MGMT: variants seen among roughly 807,000 people sequenced by gnomAD.
MGMT encodes methylated-DNA--protein-cysteine methyltransferase.
MGMT carries 14 observed loss-of-function variants against 15.9 expected under a neutral mutation model. The ratio of observed to expected loss-of-function variants is 0.88; its 90% CI spans 0.58 to 1.37. MGMT has a LOEUF of 1.37. MGMT is among the 40% of genes most tolerant of loss of function. The probability of loss-of-function intolerance (pLI) is 0.00; values close to 1 mark genes in which losing one functional copy is unlikely to be tolerated. For synonymous variants in MGMT, 130 were observed against 118.2 expected (o/e 1.10, Z -0.65); for missense variants, 282 against 268.1 (o/e 1.05, Z -0.36).
At chr10:129,555,595 G>A (rs979330421) in intron 2 of MGMT, among the ~76,000 whole-genome samples, 5 of 152,052 alleles carry the variant, frequency 3.3e-5, no homozygotes, top group African/African-American at 1.2e-4. Context: ...GGCGTCTGCA[G>A]TGTCAGCTAC....
rs2133185157 is a variant in MGMT, at chr10:129,759,215, A to G, written c.288A>G (p.Arg96=). Residue 96 remains arginine, a synonymous_variant, in exon 4 of 5, where the codon AGA becomes AGG. Coordinates refer to ENST00000651593, the MANE Select transcript of MGMT (RefSeq NM_002412.5). ...HPVFQQESFT[R]QVLWKLLKVV... ...TCTTCCTTTCAGAGTCGTTCACCAGACAGGTGTTATGGAAGCTGCTGAAGG... is the reference window on the plus strand; with the variant it reads ...TCTTCCTTTCAGAGTCGTTCACCAGGCAGGTGTTATGGAAGCTGCTGAAGG... The G allele has an allele frequency of 1.2e-6, 2 of 1,614,186 alleles. No individual in the cohort carries two copies. Among genetic ancestry groups the G allele is most frequent in the Non-Finnish European group, 1.7e-6 (2 of 1,180,040 alleles).
intron 2 of MGMT, among the ~76,000 whole-genome samples, chr10:129,693,450 G>T (rs983997204): frequency 4.6e-5 from 7 of 152,158 alleles, no homozygotes; most frequent in African/African-American, 1.7e-4. Context: ...AGCTAAGAAG[G>T]GTTCAGCGTT....
chr10:129,467,320 C>A, intron 1 of MGMT, 24 bp downstream of exon 1: 1 of 1,533,280 alleles, frequency 6.5e-7, no homozygotes, highest in Non-Finnish European at 8.8e-7. Context: ...TCGCCTCGCT[C>A]CCGGAAGAGT....
intron 1 of MGMT, among the ~76,000 whole-genome samples, chr10:129,517,055 G>A (rs1188667626): frequency 2.6e-5 from 4 of 152,214 alleles, no homozygotes; most frequent in Non-Finnish European, 2.9e-5. Flanking sequence ...CTGCGCATCC[G>A]TCCCTCCCAC....
chr10:129,672,019 G>T (rs1056908040), intron 2 of MGMT, among the ~76,000 whole-genome samples: 1 of 152,210 alleles, frequency 6.6e-6, no homozygotes, highest in Non-Finnish European at 1.5e-5. Context: ...TATTCTTTAA[G>T]AAATGCACAT....
intron 2 of MGMT, among the ~76,000 whole-genome samples, chr10:129,660,566 G>A (rs1847584262): frequency 1.3e-5 from 2 of 152,172 alleles, no homozygotes; most frequent in African/African-American, 4.8e-5. Context: ...TGTCCCAGCA[G>A]CCTTGCTTCC....
chr10:129,731,586 C>T (rs1317114167), intron 3 of MGMT, among the ~76,000 whole-genome samples: 3 of 151,910 alleles, frequency 2.0e-5, no homozygotes, highest in Admixed American at 1.3e-4. Context: ...AGTAGAGTTG[C>T]GGTTTCACCA....
chr10:129,538,517 G>A lies in MGMT; in HGVS notation c.125+2140G>A, dbSNP rs192674599. Among the ~76,000 whole-genome samples, 302 of 152,288 alleles carry A rather than the reference G, an allele frequency of 2.0e-3. 2 individuals carry two copies. The highest frequency in any genetic ancestry group is 7.1e-3 in the African/African-American group (295 of 41,544). The stretch of plus-strand genomic sequence containing the variant: ...TTTTCAGATTTTAGCCATTCTGGCT[G>A]GTATGAAGTATATCTCATTGTGGTT... On this transcript the variant is annotated intron_variant, in intron 2 of 4. Transcript: ENST00000651593.
chr10:129,683,990 C>G (rs567129658), intron 2 of MGMT, among the ~76,000 whole-genome samples: 181 of 152,320 alleles, frequency 1.2e-3, no homozygotes, highest in Middle Eastern at 3.4e-3. Context: ...GGTAGCTGCT[C>G]CCCACTCATC....
intron 1 of MGMT, among the ~76,000 whole-genome samples, chr10:129,486,602 G>A (rs1845411699): frequency 6.6e-6 from 1 of 152,110 alleles, no homozygotes; most frequent in African/African-American, 2.4e-5. Context: ...GGTGAAATTG[G>A]TATAAACCTT....
At chr10:129,508,854 G>T (rs1404530069) in intron 1 of MGMT, among the ~76,000 whole-genome samples, 1 of 151,992 alleles carries the variant, frequency 6.6e-6, no homozygotes. Context: ...GCCAGATTTA[G>T]TTAATTTGGA....
intron 2 of MGMT, among the ~76,000 whole-genome samples, chr10:129,551,310 A>G (rs901316315): frequency 3.3e-5 from 5 of 152,184 alleles, no homozygotes; most frequent in Non-Finnish European, 7.4e-5. Flanking sequence ...GTACCTTGTC[A>G]CCATCTCCTT....
rs1204461296 is a variant in MGMT at position 129,487,805 on chromosome 10, G to A, written c.-13+20509G>A. ...CTGCTAACCATGTAGGTGTATGTAT[G>A]TATATATTCTGATTGTGGGTTATAT... On this transcript the variant is annotated intron_variant, in intron 1 of 4. Transcript: ENST00000651593. Among the ~76,000 whole-genome samples the A allele has an allele frequency of 2.0e-5, 3 of 151,720 alleles. No homozygotes were observed. The East Asian group carries it at 5.8e-4, about 29-fold the overall frequency.
chr10:129,515,503 A>G (rs1401715904), intron 1 of MGMT, among the ~76,000 whole-genome samples: 1 of 152,164 alleles, frequency 6.6e-6, no homozygotes, highest in Non-Finnish European at 1.5e-5. Context: ...CACATGTTTC[A>G]GCTGGCTCTT....
chr10:129,598,432 G>T (rs1412320088), intron 2 of MGMT, among the ~76,000 whole-genome samples: 1 of 39,752 alleles, frequency 2.5e-5, no homozygotes, highest in Admixed American at 4.1e-4. Context: ...GCCTGGGGTG[G>T]GCCTGGCACA....
At chr10:129,733,672 C>A (rs1464999325) in intron 3 of MGMT, among the ~76,000 whole-genome samples, 2 of 152,112 alleles carry the variant, frequency 1.3e-5, no homozygotes, top group South Asian at 4.1e-4. Flanking sequence ...AGGTTTTCTT[C>A]TAGGTTTTTT....
intron 2 of MGMT, among the ~76,000 whole-genome samples, chr10:129,628,137 G>A (rs972436466): frequency 6.6e-6 from 1 of 152,202 alleles, no homozygotes; most frequent in African/African-American, 2.4e-5. Context: ...AGCAGCTTCA[G>A]ATGCTTTGGG....
chr10:129,579,572 T>C (rs1846528144), intron 2 of MGMT, among the ~76,000 whole-genome samples: 1 of 152,260 alleles, frequency 6.6e-6, no homozygotes, highest in African/African-American at 2.4e-5. Context: ...TTATTGACTT[T>C]GTCTTTATTT....
chr10:129,721,232 C>T (rs1335287935), intron 3 of MGMT, among the ~76,000 whole-genome samples: 1 of 152,232 alleles, frequency 6.6e-6, no homozygotes, highest in African/African-American at 2.4e-5. Context: ...GAAGTTTTTG[C>T]CTTTAAAACT....
Sources: gnomAD v4.1 joint callset for allele counts (sites outside exome capture counted in the v4.1 genomes callset) on GRCh38, gnomAD v4.1.1 for gene constraint, MANE v1.5 for transcripts, NCBI Gene and HGNC (gene_info 2026-07-23, HGNC 2026-07-21) for gene names.